The following WDFY3 variants were observed in gnomAD, a reference collection of about 807,000 sequenced individuals.
WDFY3 encodes WD repeat and FYVE domain-containing protein 3.
In WDFY3, 66 loss-of-function variants were observed where a neutral mutation model predicts 409.6. The ratio of observed to expected loss-of-function variants is 0.16; its 90% CI spans 0.13 to 0.20. The LOEUF (loss-of-function observed/expected upper bound fraction) is 0.20. Among genes scored for constraint, WDFY3 ranks in the 10% least tolerant of loss-of-function variants. The probability of loss-of-function intolerance (pLI) is 1.00; values close to 1 mark genes in which losing one functional copy is unlikely to be tolerated. For synonymous variants in WDFY3, 1,521 were observed against 1,537.1 expected (o/e 0.99, Z 0.25); for missense variants, 3,031 against 4,298.1 (o/e 0.71, Z 8.24).
At chr4:84,773,478 G>A (rs908641911) in intron 29 of WDFY3, among the ~76,000 whole-genome samples, 14 of 152,034 alleles carry the variant, frequency 9.2e-5, no homozygotes, top group Admixed American at 6.6e-4. Context: ...TGGAGTAGGG[G>A]GAACAGGAGA....
chr4:84,744,832 G>A (rs1414544030), intron 36 of WDFY3, among the ~76,000 whole-genome samples: 142 of 111,516 alleles, frequency 1.3e-3, no homozygotes, highest in African/African-American at 4.9e-3. Context: ...CAGCCTGGGC[G>A]ACAGAGCGAG....
chr4:84,962,032 T>C (rs1239722543), intron 1 of WDFY3, among the ~76,000 whole-genome samples: 1 of 152,232 alleles, frequency 6.6e-6, no homozygotes, highest in African/African-American at 2.4e-5. Context: ...TATTCATATT[T>C]GATCAAAACT....
At chr4:84,847,559 G>A (rs2150082971) in intron 5 of WDFY3, among the ~76,000 whole-genome samples, 1 of 145,704 alleles carries the variant, frequency 6.9e-6, no homozygotes, top group Admixed American at 6.9e-5. Context: ...GAGGTCAGGA[G>A]ATAGAGACCA....
At position 84,798,142 on chromosome 4, in the gene WDFY3, T is replaced by C. The variant is rs551687522; in HGVS notation, c.2823-34A>G. The C allele has an allele frequency of 9.4e-5, 142 of 1,516,288 alleles. 2 individuals are homozygous for C. In the South Asian group the frequency reaches 1.5e-3, roughly 16 times the overall value. The allele number at this position is 1,516,288 out of a possible 1,614,324, so 93.9% of individuals were successfully genotyped here. A position where few individuals can be genotyped will look rare whatever the true frequency, so the allele number is the denominator to read the frequency against. Reference sequence around the variant, plus strand: ...GAGACAAAGCAAAGTTATTCCTTGATTGAGATTATTATATAATTCATTAAC... The same window carrying C: ...GAGACAAAGCAAAGTTATTCCTTGACTGAGATTATTATATAATTCATTAAC... On this transcript the variant is annotated intron_variant, in intron 17 of 67. Coordinates refer to ENST00000295888, the MANE Select transcript of WDFY3 (RefSeq NM_014991.6).
At chr4:84,704,884 A>C (rs1731662676) in intron 54 of WDFY3, among the ~76,000 whole-genome samples, 1 of 152,178 alleles carries the variant, frequency 6.6e-6, no homozygotes, top group Non-Finnish European at 1.5e-5. Flanking sequence ...GTGGGAAAAA[A>C]GAGTTCACAT....
chr4:84,763,763 T>C (rs570123927), intron 32 of WDFY3, among the ~76,000 whole-genome samples: 2 of 152,228 alleles, frequency 1.3e-5, no homozygotes, highest in Admixed American at 1.3e-4. Context: ...TAAATTTAAA[T>C]TGAATACCTA....
Position 84,708,899 on chromosome 4 carries a change from T to G in WDFY3, c.8217+10A>C. On this transcript the variant is annotated intron_variant, in intron 53 of 67. Transcript: ENST00000295888. ...TGTGTTCTACGTAAGCAAAATGACT[T>G]AAGATTTACCTCTGAGTCATAATCT... 6.8e-6 allele frequency: 11 copies of G among 1,610,000 alleles called. No individual in the cohort carries two copies. The highest frequency in any genetic ancestry group is 9.3e-6 in the Non-Finnish European group (11 of 1,178,604).
chr4:84,753,599 A>G, intron 35 of WDFY3, 98 bp downstream of exon 35: 1 of 1,353,524 alleles, frequency 7.4e-7, no homozygotes, highest in African/African-American at 1.5e-5. Context: ...TCAGAAACTT[A>G]AAAGACTGTC....
chr4:84,836,912 A>G lies in WDFY3; in HGVS notation c.576+17T>C, dbSNP rs1331395990. 6.7e-7 allele frequency: 1 copy of G among 1,493,076 alleles called. No individual in the cohort carries two copies. 92.5% of individuals were successfully genotyped at this position (1,493,076 alleles called of 1,614,324 possible). ...CCTTTAAATAGGGTGGAGGTAGGCA[A>G]ATAGCACCTTTCATACCTGTACAAA... is the stretch of plus-strand genomic sequence containing the variant. On this transcript the variant is annotated intron_variant, in intron 7 of 67. Transcript: ENST00000295888.
chr4:84,824,116 A>G (rs541712947), intron 10 of WDFY3, among the ~76,000 whole-genome samples: 1 of 152,300 alleles, frequency 6.6e-6, no homozygotes, highest in East Asian at 1.9e-4. Flanking sequence ...GCAATAACAT[A>G]GGTGATTCTC....
At position 84,670,527 on chromosome 4, in the gene WDFY3, C is replaced by T. The variant is rs1725300978; in HGVS notation, c.*2341G>A. 1 of 152,634 alleles carries T rather than the reference C, an allele frequency of 6.6e-6. No homozygotes were observed. Among genetic ancestry groups the T allele is most frequent in the Non-Finnish European group, 1.5e-5 (1 of 68,042 alleles). The allele number at this position is 152,634 out of a possible 1,614,324, so 9.5% of individuals were successfully genotyped here. ...CTACCATGAGGGTTTTGGTTTCCAC[C>T]TTCTAGTTATGGAAGTTCTGTTAGA... On this transcript the variant is annotated 3_prime_UTR_variant, in exon 68 of 68. Transcript: ENST00000295888.
chr4:84,790,044 T>A, intron 21 of WDFY3, 137 bp from the exon 22 acceptor site: 2 of 985,796 alleles, frequency 2.0e-6, no homozygotes, highest in Non-Finnish European at 2.9e-6. Context: ...ATAATACAAC[T>A]CTGGAAAAAA....
intron 24 of WDFY3, among the ~76,000 whole-genome samples, chr4:84,783,436 GCCACTGGCACTCCA>G (rs1746928061): frequency 6.6e-6 from 1 of 152,162 alleles, no homozygotes; most frequent in Non-Finnish European, 1.5e-5. Context: ...CGGAGATTGT[GCCACTGGCACTCCA>G]CACTCCAGCC....
chr4:84,829,390 G>C (rs1456054266), intron 8 of WDFY3, among the ~76,000 whole-genome samples, 200 bp from the exon 9 acceptor site: 1 of 151,998 alleles, frequency 6.6e-6, no homozygotes, highest in African/African-American at 2.4e-5. Flanking sequence ...GTAAACAAAG[G>C]ATAATACAGA....
intron 30 of WDFY3, among the ~76,000 whole-genome samples, chr4:84,770,054 A>T (rs1744390484): frequency 6.6e-6 from 1 of 151,296 alleles, no homozygotes; most frequent in African/African-American, 2.4e-5. Context: ...TTTGAGACGG[A>T]GTCTCACTCT....
At chr4:84,957,931 A>G (rs898876676) in intron 1 of WDFY3, among the ~76,000 whole-genome samples, 1 of 152,250 alleles carries the variant, frequency 6.6e-6, no homozygotes, top group Admixed American at 6.5e-5. Context: ...AAAGAAAAAC[A>G]GAAGTGTGAA....
At chr4:84,927,582 G>A (rs1770168677) in intron 2 of WDFY3, among the ~76,000 whole-genome samples, 1 of 152,202 alleles carries the variant, frequency 6.6e-6, no homozygotes, top group South Asian at 2.1e-4. Flanking sequence ...TAATCCCCAT[G>A]TGTCAAGGGC....
rs375934941 is a variant in WDFY3 at position 84,684,135 on chromosome 4, G to C, written c.9544-10C>G. ...AGGACACAATGTCCCCCTGAGAAGA[G>C]AGAGAAAAACGTCATTCTCTTTGCT... is the stretch of plus-strand genomic sequence containing the variant. On this transcript the variant is annotated splice_polypyrimidine_tract_variant and intron_variant, in intron 62 of 67. Transcript: ENST00000295888. 53 of 1,533,686 alleles carry C rather than the reference G, an allele frequency of 3.5e-5. No homozygotes were observed. In the East Asian group the frequency reaches 7.5e-4, roughly 22 times the overall value.
At chr4:84,871,475 G>A (rs570952508) in intron 3 of WDFY3, among the ~76,000 whole-genome samples, 2 of 152,196 alleles carry the variant, frequency 1.3e-5, no homozygotes, top group South Asian at 2.1e-4. Flanking sequence ...AGCAAAAACT[G>A]AGAGAACTTG....
Sources: gnomAD v4.1 joint callset for allele counts (sites outside exome capture counted in the v4.1 genomes callset) on GRCh38, gnomAD v4.1.1 for gene constraint, MANE v1.5 for transcripts, NCBI Gene and HGNC (gene_info 2026-07-23, HGNC 2026-07-21) for gene names.